The following MMADHC variants were observed in gnomAD, a reference collection of about 807,000 sequenced individuals.
The protein encoded by MMADHC is metabolism of cobalamin associated D, also known as cobalamin trafficking protein CblD.
MMADHC carries 23 observed loss-of-function variants against 36.3 expected under a neutral mutation model. The observed-to-expected ratio is 0.63, with a 90% CI of 0.46 to 0.90. The LOEUF (loss-of-function observed/expected upper bound fraction) is 0.90, where lower values mean the gene tolerates loss of function less well. Among genes scored for constraint, MMADHC ranks in the 40% least tolerant of loss-of-function variants. The probability of loss-of-function intolerance (pLI) is 0.00; values close to 1 mark genes in which losing one functional copy is unlikely to be tolerated. For missense variants in MMADHC, 330 were observed against 348.0 expected (o/e 0.95, Z 0.41); for synonymous variants, 97 against 116.1 (o/e 0.84, Z 1.06).
intron 2 of MMADHC, chr2:149,586,802 T>C (rs774666713): frequency 3.3e-5 from 14 of 424,876 alleles, no homozygotes; most frequent in Admixed American, 1.2e-4. Flanking sequence ...GGCCTAAACA[T>C]AGATTCTAAT....
In MMADHC at chr2:149,587,072, A is replaced by C. The variant is rs372601477; in HGVS notation, c.9+17T>G. The C allele has an allele frequency of 6.2e-7, 1 of 1,613,046 alleles. No individual in the cohort carries two copies. The highest frequency in any genetic ancestry group is 1.3e-5 in the African/African-American group (1 of 74,920). On this transcript the variant is annotated intron_variant, in intron 2 of 7. Coordinates refer to ENST00000303319, the MANE Select transcript of MMADHC (RefSeq NM_015702.3). Reference sequence around the variant, plus strand: ...AACGAGTTTACTATGCTGATTCTTAAGAGATAATTTACTCACATTGGCCAT... The same window carrying C: ...AACGAGTTTACTATGCTGATTCTTACGAGATAATTTACTCACATTGGCCAT...
At chr2:149,578,799 T>C (rs1445068173) in intron 4 of MMADHC, among the ~76,000 whole-genome samples, 2 of 151,864 alleles carry the variant, frequency 1.3e-5, no homozygotes, top group South Asian at 4.1e-4. Context: ...AAACTCAGCC[T>C]AAAACTATGC....
chr2:149,570,153 T>C lies in MMADHC; in HGVS notation c.712A>G (p.Thr238Ala), dbSNP rs1280251945. 5 of 1,613,508 alleles carry C rather than the reference T, an allele frequency of 3.1e-6. No individual in the cohort carries two copies. The highest frequency in any genetic ancestry group is 1.7e-6 in the Non-Finnish European group (2 of 1,179,692). Residue 238 changes from threonine to alanine, a missense_variant, in exon 8 of 8, where the codon ACA (threonine) becomes GCA (alanine). Coordinates refer to ENST00000303319, the MANE Select transcript of MMADHC (RefSeq NM_015702.3). ...SSGLAFFGPYTNNTLFETDER... is the reference protein window; with the variant it reads ...SSGLAFFGPYANNTLFETDER... ...TCAGTTTCAAAAAGAGTGTTGTTTG[T>C]ATATGGTCCAAAAAACTGAGGAAAT...
rs1682615596 is a variant in MMADHC at position 149,570,063 on chromosome 2, T to G, written c.802A>C (p.Ser268Arg). Residue 268 changes from serine (S) to arginine (R), a missense_variant, in exon 8 of 8, where the codon AGT (serine) becomes CGT (arginine). Ser to Arg is a moderately radical substitution (Grantham distance 110). Coordinates refer to ENST00000303319, the MANE Select transcript of MMADHC (RefSeq NM_015702.3). ...ACAACTACATGGGTACCCCAGAGAC[T>G]ATGACGAATCACTTTACAGCATCCA... ...DLGCCKVIRH[S>R]LWGTHVVVGS... 3 of 1,613,736 alleles carry G rather than the reference T, an allele frequency of 1.9e-6. No individual in the cohort carries two copies. The highest frequency in any genetic ancestry group is 2.5e-6 in the Non-Finnish European group (3 of 1,179,702).
At chr2:149,574,953 C>G (rs1452101033) in intron 6 of MMADHC, among the ~76,000 whole-genome samples, 1 of 152,132 alleles carries the variant, frequency 6.6e-6, no homozygotes, top group Non-Finnish European at 1.5e-5. Flanking sequence ...GTGCGCACCA[C>G]TAAACCTGGA....
intron 4 of MMADHC, among the ~76,000 whole-genome samples, chr2:149,577,101 A>G (rs181152843): frequency 6.6e-6 from 1 of 152,340 alleles, no homozygotes; most frequent in Admixed American, 6.5e-5. Context: ...TAATAAAAAA[A>G]AATAAGTACA....
chr2:149,586,592 C>T (rs1382104616), intron 2 of MMADHC, among the ~76,000 whole-genome samples: 2 of 151,950 alleles, frequency 1.3e-5, no homozygotes, highest in African/African-American at 4.8e-5. Context: ...GTCTTATGAC[C>T]GCTACATATG....
At chr2:149,582,304 C>G in intron 2 of MMADHC, 33 bp from the exon 3 acceptor site, 2 of 1,608,042 alleles carry the variant, frequency 1.2e-6, no homozygotes, top group Non-Finnish European at 1.7e-6. Flanking sequence ...ACTATTTGTT[C>G]TGAATATAAA....
At chr2:149,576,300 T>C in intron 5 of MMADHC, 137 bp downstream of exon 5, 1 of 693,384 alleles carries the variant, frequency 1.4e-6, no homozygotes, top group South Asian at 1.7e-5. Flanking sequence ...GCCTTTATCT[T>C]GGCCATGCAA....
chr2:149,570,223 A>T (rs1185107430), intron 7 of MMADHC, 55 bp from the exon 8 acceptor site: 61 of 1,434,144 alleles, frequency 4.3e-5, no homozygotes, highest in Non-Finnish European at 5.8e-5. Context: ...TTTAGTAATA[A>T]TTTTTAGGTA....
At chr2:149,586,952 C>G (rs1282887864) in intron 2 of MMADHC, 137 bp downstream of exon 2, 1 of 869,486 alleles carries the variant, frequency 1.2e-6, no homozygotes, top group South Asian at 1.4e-5. Context: ...TTTCACACCA[C>G]TTGCTTCCCT....
rs886039425 is a variant in MMADHC, at chr2:149,576,443, G to A, written c.472C>T (p.Arg158Ter). 12 of 1,602,126 alleles carry A rather than the reference G, an allele frequency of 7.5e-6. No homozygotes were observed. Among genetic ancestry groups the A allele is most frequent in the Non-Finnish European group, 1.0e-5 (12 of 1,169,316 alleles). ...AGTATAAAGCATGACATACCTTTTC[G>A]CAGCAATTCTGGACATGTCTGTATT... ...CAIQTCPELL[R>*]KDFESLFPEV... The change falls in exon 5 of 8, where the codon CGA becomes TGA. Residue 158 changes from arginine to a stop codon, truncating the protein, a stop_gained. Transcript: ENST00000303319. LOFTEE classifies it high-confidence loss of function.
chr2:149,582,567 T>C (rs559130074), intron 2 of MMADHC, among the ~76,000 whole-genome samples: 1 of 152,344 alleles, frequency 6.6e-6, no homozygotes, highest in Non-Finnish European at 1.5e-5. Flanking sequence ...GTTGTCTTAT[T>C]TAGACACAAC....
chr2:149,576,720 A>G (rs1682724446), intron 4 of MMADHC, among the ~76,000 whole-genome samples, 178 bp from the exon 5 acceptor site: 1 of 152,228 alleles, frequency 6.6e-6, no homozygotes, highest in Non-Finnish European at 1.5e-5. Context: ...CTCTACAATG[A>G]ATATAAGATT....
rs140719160 is a variant in MMADHC at position 149,576,388 on chromosome 2, A to T, written c.478+49T>A. Reference sequence around the variant, plus strand: ...ATTTCTATAGAGTACATTATTCAACATATTAAAAAAATTAGTAACAGTGTT... The same window carrying T: ...ATTTCTATAGAGTACATTATTCAACTTATTAAAAAAATTAGTAACAGTGTT... On this transcript the variant is annotated intron_variant, in intron 5 of 7. Coordinates refer to ENST00000303319, the MANE Select transcript of MMADHC (RefSeq NM_015702.3). 10 of 1,228,176 alleles carry T rather than the reference A, an allele frequency of 8.1e-6. No individual in the cohort carries two copies. The Admixed American group carries it at 1.2e-4, about 14-fold the overall frequency. 76.1% of individuals were successfully genotyped at this position (1,228,176 alleles called of 1,614,324 possible). A position where few individuals can be genotyped will look rare whatever the true frequency, so the allele number is the denominator to read the frequency against.
intron 2 of MMADHC, chr2:149,586,838 A>G (rs906773337): frequency 3.0e-5 from 15 of 494,086 alleles, no homozygotes; most frequent in Non-Finnish European, 5.4e-5. Flanking sequence ...GTATTTAAAA[A>G]ATACCGAAAG....
At chr2:149,575,647 C>CA (rs1682703290) in intron 6 of MMADHC, 64 bp downstream of exon 6, 1 of 1,337,430 alleles carries the variant, frequency 7.5e-7, no homozygotes, top group South Asian at 1.3e-5. Flanking sequence ...CATTTTAAGA[C>CA]ATTGGTTCAC....
chr2:149,575,290 A>T (rs956087049), intron 6 of MMADHC, among the ~76,000 whole-genome samples: 6 of 151,676 alleles, frequency 4.0e-5, no homozygotes, highest in Non-Finnish European at 8.8e-5. Context: ...GTTACTGTTT[A>T]CTCTTGGAGA....
chr2:149,587,127 GC>G lies in MMADHC; in HGVS notation c.-31del. ...GCTGGAGAAGATAGTTCGCAAAATA[GC>G]TTTCCTTTGGTAAAGTTATTTCTGG... On this transcript the variant is annotated 5_prime_UTR_variant, in exon 2 of 8. Coordinates refer to ENST00000303319, the MANE Select transcript of MMADHC (RefSeq NM_015702.3). The G allele has an allele frequency of 1.4e-5, 23 of 1,610,678 alleles. No homozygotes were observed. Among genetic ancestry groups the G allele is most frequent in the Non-Finnish European group, 2.0e-5 (23 of 1,176,892 alleles).
Sources: gnomAD v4.1 joint callset for allele counts (sites outside exome capture counted in the v4.1 genomes callset) on GRCh38, gnomAD v4.1.1 for gene constraint, MANE v1.5 for transcripts, NCBI Gene and HGNC (gene_info 2026-07-23, HGNC 2026-07-21) for gene names.